HDAC9: variants seen among roughly 807,000 people sequenced by gnomAD.
HDAC9 encodes the protein histone deacetylase 9, also known as MEF-2 interacting transcription repressor (MITR) protein.
HDAC9 carries 41 observed loss-of-function variants against 139.4 expected under a neutral mutation model. The observed-to-expected ratio is 0.29, with a 90% confidence interval of 0.23 to 0.38. The LOEUF is 0.38. HDAC9 is among the 10% of genes least tolerant of loss of function. HDAC9 has a pLI of 1.00. For missense variants in HDAC9, 1,147 were observed against 1,297.0 expected (o/e 0.88, Z 1.78); for synonymous variants, 517 against 476.2 (o/e 1.09, Z -1.12).
At chr7:18,374,551 C>T (rs1010623026) in intron 1 of HDAC9, among the ~76,000 whole-genome samples, 5 of 151,828 alleles carry the variant, frequency 3.3e-5, no homozygotes, top group African/African-American at 1.2e-4. Flanking sequence ...TGTATCTAGG[C>T]ATAGAAAAGG....
intron 2 of HDAC9, among the ~76,000 whole-genome samples, chr7:18,501,774 A>G (rs1798438996): frequency 1.3e-5 from 2 of 152,156 alleles, no homozygotes; most frequent in South Asian, 4.1e-4. Flanking sequence ...TATAATAGGC[A>G]TGTATTCTAT....
chr7:18,301,315 C>A, intron 1 of HDAC9, among the ~76,000 whole-genome samples: 1 of 152,002 alleles, frequency 6.6e-6, no homozygotes, highest in East Asian at 1.9e-4. Context: ...TCAGATGGAG[C>A]AAATTAATTT....
At chr7:18,585,546 G>T (rs1458832854) in intron 3 of HDAC9, 24 bp downstream of exon 3, 2 of 1,609,972 alleles carry the variant, frequency 1.2e-6, no homozygotes, top group South Asian at 1.1e-5. Context: ...CTTTGTCTGT[G>T]ACCTTACTCA....
At chr7:18,821,507 A>C (rs1034490904) in intron 17 of HDAC9, among the ~76,000 whole-genome samples, 3 of 152,178 alleles carry the variant, frequency 2.0e-5, no homozygotes, top group Non-Finnish European at 4.4e-5. Context: ...GCGGTGGAGA[A>C]AGCAAGATGA....
At chr7:18,314,671 G>T (rs1183588265) in intron 1 of HDAC9, among the ~76,000 whole-genome samples, 3 of 152,158 alleles carry the variant, frequency 2.0e-5, no homozygotes, top group Non-Finnish European at 2.9e-5. Context: ...TTAAGAGTGA[G>T]ATTTTATTCT....
At chr7:18,504,137 A>G (rs984631764) in intron 2 of HDAC9, among the ~76,000 whole-genome samples, 1 of 152,138 alleles carries the variant, frequency 6.6e-6, no homozygotes, top group Non-Finnish European at 1.5e-5. Flanking sequence ...ATTCTTGATG[A>G]TGCTTTTGAA....
intron 1 of HDAC9, among the ~76,000 whole-genome samples, chr7:18,135,388 G>T (rs530074298): frequency 3.3e-4 from 47 of 143,640 alleles, no homozygotes; most frequent in Middle Eastern, 3.6e-3. Flanking sequence ...TGCCATGCTG[G>T]TGCGCTGCAC....
At chr7:18,708,930 GCA>G (rs144217710) in intron 12 of HDAC9, among the ~76,000 whole-genome samples, 170 of 149,698 alleles carry the variant, frequency 1.1e-3, no homozygotes, top group Non-Finnish European at 1.9e-3. Flanking sequence ...CCACACACAT[GCA>G]CACACACACA....
At chr7:18,158,893 T>C (rs1015780718) in intron 1 of HDAC9, among the ~76,000 whole-genome samples, 2 of 152,202 alleles carry the variant, frequency 1.3e-5, no homozygotes, top group Non-Finnish European at 2.9e-5. Context: ...CTGTCTTGAG[T>C]TGTTGCTCCG....
At chr7:18,148,748 CCA>C (rs953872705) in intron 1 of HDAC9, among the ~76,000 whole-genome samples, 3 of 152,208 alleles carry the variant, frequency 2.0e-5, no homozygotes, top group Non-Finnish European at 4.4e-5. Flanking sequence ...GTGTGAGCCA[CCA>C]CATCTGGCCT....
intron 22 of HDAC9, among the ~76,000 whole-genome samples, chr7:18,883,810 A>T (rs879340298): frequency 6.6e-6 from 1 of 152,082 alleles, no homozygotes; most frequent in Non-Finnish European, 1.5e-5. Context: ...AGCAAAAAAA[A>T]CCTGATAAAA....
intron 2 of HDAC9, among the ~76,000 whole-genome samples, chr7:18,537,941 C>G (rs1355261018): frequency 6.6e-6 from 1 of 152,204 alleles, no homozygotes; most frequent in Non-Finnish European, 1.5e-5. Flanking sequence ...TTCAGTCCTT[C>G]ATAACCTCAG....
At chr7:18,709,971 T>C (rs993836251) in intron 12 of HDAC9, among the ~76,000 whole-genome samples, 1 of 152,170 alleles carries the variant, frequency 6.6e-6, no homozygotes, top group Non-Finnish European at 1.5e-5. Context: ...TAAAAAGACA[T>C]ACCCGAGACT....
At chr7:18,670,779 T>G (rs2129083515) in intron 12 of HDAC9, among the ~76,000 whole-genome samples, 1 of 152,082 alleles carries the variant, frequency 6.6e-6, no homozygotes, top group African/African-American at 2.4e-5. Flanking sequence ...TTTCTCTCTC[T>G]CTCCTCATTA....
intron 25 of HDAC9, among the ~76,000 whole-genome samples, chr7:18,980,766 T>TTCTTCTTCTTCC (rs1784885104): frequency 6.6e-6 from 1 of 150,538 alleles, no homozygotes; most frequent in East Asian, 1.9e-4. Flanking sequence ...TTCCTTCTTC[T>TTCTTCTTCTTCC]TCTTCTTCTT....
intron 2 of HDAC9, among the ~76,000 whole-genome samples, chr7:18,170,986 G>A (rs1788387502): frequency 6.6e-6 from 1 of 152,202 alleles, no homozygotes; most frequent in Admixed American, 6.5e-5. Flanking sequence ...TGTGAAGAAA[G>A]TCATTGGTAG....
intron 7 of HDAC9, among the ~76,000 whole-genome samples, chr7:18,629,965 A>C (rs1781840506): frequency 6.6e-6 from 1 of 152,140 alleles, no homozygotes; most frequent in African/African-American, 2.4e-5. Context: ...TGTGTTTACT[A>C]GTGAAGTGGG....
intron 2 of HDAC9, among the ~76,000 whole-genome samples, chr7:18,577,512 T>C (rs571121295): frequency 3.3e-5 from 5 of 152,292 alleles, no homozygotes; most frequent in Admixed American, 2.6e-4. Flanking sequence ...TATTTTTCAG[T>C]TGGATGCCTG....
chr7:18,867,624 C>T (rs1798593323), intron 21 of HDAC9, among the ~76,000 whole-genome samples: 1 of 152,034 alleles, frequency 6.6e-6, no homozygotes, highest in Non-Finnish European at 1.5e-5. Context: ...TTTTAAGGCT[C>T]TCTTAGGATC....
Sources: allele counts gnomAD v4.1 joint callset (sites outside exome capture counted in the v4.1 genomes callset), GRCh38; gene constraint gnomAD v4.1.1; transcripts MANE v1.5; gene names NCBI Gene and HGNC (gene_info 2026-07-23, HGNC 2026-07-21).